SLC1A1: variants seen among roughly 807,000 people sequenced by gnomAD.
SLC1A1 encodes solute carrier family 1 member 1, also known as excitatory amino acid transporter 3.
A neutral mutation model predicts 53.3 loss-of-function variants in SLC1A1; 43 were observed. The ratio of observed to expected loss-of-function variants is 0.81; its 90% CI spans 0.63 to 1.04. The LOEUF is 1.04. Among genes scored for constraint, SLC1A1 ranks in the 50% least tolerant of loss-of-function variants. SLC1A1 has a pLI of 0.00. For synonymous variants in SLC1A1, 307 were observed against 243.2 expected, an observed-to-expected ratio of 1.26 and a Z score of -2.44; for missense variants, 748 against 664.9, an observed-to-expected ratio of 1.12 and a Z score of -1.37.
In SLC1A1 at chr9:4,585,607, A is replaced by G. The variant is rs747569473; in HGVS notation, c.*49A>G. On this transcript the variant is annotated 3_prime_UTR_variant, in exon 12 of 12. Coordinates refer to ENST00000262352, the MANE Select transcript of SLC1A1 (RefSeq NM_004170.6). The stretch of plus-strand genomic sequence containing the variant: ...AAACAAGGAAGGACATTTCCGTGAG[A>G]GTCATCTCAAACACTGCTTAAGGAA... The G allele has an allele frequency of 1.9e-6, 3 of 1,611,528 alleles. No individual in the cohort carries two copies. The African/African-American group carries it at 4.0e-5, about 22-fold the overall frequency.
intron 1 of SLC1A1, among the ~76,000 whole-genome samples, chr9:4,512,951 G>C (rs1419593726): frequency 1.3e-5 from 2 of 151,818 alleles, no homozygotes; most frequent in African/African-American, 2.4e-5. Flanking sequence ...TTTTGACAAA[G>C]GTGCAAAAGC....
rs1820791436 is a variant in SLC1A1 at position 4,505,887 on chromosome 9, C to A, written c.91+15117C>A. Among the ~76,000 whole-genome samples the A allele has an allele frequency of 2.0e-5, 3 of 152,084 alleles. No individual in the cohort carries two copies. The South Asian group carries it at 6.2e-4, about 32-fold the overall frequency. The stretch of plus-strand genomic sequence containing the variant: ...CACCCAGAATGGAGTGCAGTGGCAC[C>A]AACTCAGCTCACTGCAACCTCCGCC... On this transcript the variant is annotated intron_variant, in intron 1 of 11. Transcript: ENST00000262352.
intron 6 of SLC1A1, among the ~76,000 whole-genome samples, chr9:4,569,124 G>A (rs959777072): frequency 6.6e-6 from 1 of 152,086 alleles, no homozygotes; most frequent in Non-Finnish European, 1.5e-5. Flanking sequence ...TCTGCTTACA[G>A]TAGAGCTGGC....
At chr9:4,491,034 C>T (rs1820216621) in intron 1 of SLC1A1, among the ~76,000 whole-genome samples, 1 of 152,190 alleles carries the variant, frequency 6.6e-6, no homozygotes, top group Admixed American at 6.5e-5. Context: ...ATCAAAGGGG[C>T]TTGGGGGTAG....
At chr9:4,497,647 A>G (rs924940295) in intron 1 of SLC1A1, among the ~76,000 whole-genome samples, 7 of 152,210 alleles carry the variant, frequency 4.6e-5, no homozygotes, top group African/African-American at 1.7e-4. Flanking sequence ...TGTCAGCAAC[A>G]TAGATTAACA....
chr9:4,574,161 G>A, intron 8 of SLC1A1, 147 bp downstream of exon 8: 1 of 705,140 alleles, frequency 1.4e-6, no homozygotes, highest in Non-Finnish European at 2.6e-6. Context: ...AGGGGGAGGA[G>A]GGCTGCCCTT....
chr9:4,582,982 G>A, intron 10 of SLC1A1, 56 bp from the exon 11 acceptor site: 1 of 1,611,270 alleles, frequency 6.2e-7, no homozygotes, highest in Non-Finnish European at 8.5e-7. Context: ...TTCAGGCCAG[G>A]GCTTTAACGG....
intron 1 of SLC1A1, among the ~76,000 whole-genome samples, chr9:4,496,357 G>A (rs886546302): frequency 6.6e-6 from 1 of 151,940 alleles, no homozygotes; most frequent in African/African-American, 2.4e-5. Context: ...CAGAGAAAGT[G>A]GAAGTCACGT....
rs1468122324 is a variant in SLC1A1 at position 4,586,129 on chromosome 9, G to T, written c.*571G>T. On this transcript the variant is annotated 3_prime_UTR_variant, in exon 12 of 12. Coordinates refer to ENST00000262352, the MANE Select transcript of SLC1A1 (RefSeq NM_004170.6). ...ATAACAGTTTTAAGATGGGCATAGG[G>T]TTTGGAAGAAAGGGAGAAGGATTCT... The T allele has an allele frequency of 1.2e-5, 2 of 163,406 alleles. No individual in the cohort carries two copies. Among genetic ancestry groups the T allele is most frequent in the African/African-American group, 4.8e-5 (2 of 41,446 alleles). The allele number at this position is 163,406 out of a possible 1,614,324, so 10.1% of individuals were successfully genotyped here.
At chr9:4,505,596 A>G (rs543870814) in intron 1 of SLC1A1, among the ~76,000 whole-genome samples, 1 of 152,196 alleles carries the variant, frequency 6.6e-6, no homozygotes, top group Non-Finnish European at 1.5e-5. Context: ...CAAAAGATTA[A>G]GTTAGTTAGA....
At chr9:4,544,041 G>T (rs1817243019) in intron 1 of SLC1A1, among the ~76,000 whole-genome samples, 2 of 152,048 alleles carry the variant, frequency 1.3e-5, no homozygotes, top group South Asian at 4.2e-4. Flanking sequence ...AGCTGGACAT[G>T]GTGGTGCGCA....
At chr9:4,566,017 A>T in intron 4 of SLC1A1, 30 bp from the exon 5 acceptor site, 3 of 1,593,434 alleles carry the variant, frequency 1.9e-6, no homozygotes, top group Non-Finnish European at 2.6e-6. Flanking sequence ...TTTTGCCCTA[A>T]CATAATACTG....
intron 1 of SLC1A1, among the ~76,000 whole-genome samples, chr9:4,532,813 G>T (rs1816524677): frequency 1.3e-5 from 2 of 152,160 alleles, no homozygotes; most frequent in South Asian, 4.2e-4. Flanking sequence ...CAGCCAGAGA[G>T]AAAGGTCGGG....
At chr9:4,582,959 C>T (rs200192447) in intron 10 of SLC1A1, 79 bp from the exon 11 acceptor site, 259 of 1,570,664 alleles carry the variant, frequency 1.6e-4, no homozygotes, top group Non-Finnish European at 2.1e-4. Flanking sequence ...CGGGACTAAG[C>T]GGGAGTAACC....
intron 1 of SLC1A1, among the ~76,000 whole-genome samples, chr9:4,531,501 A>G (rs1816467495): frequency 6.6e-6 from 1 of 152,134 alleles, no homozygotes; most frequent in African/African-American, 2.4e-5. Context: ...CAGCAGCGAG[A>G]CTGGGGGAGG....
In SLC1A1 at chr9:4,510,749, A is replaced by G. The variant is rs758306876; in HGVS notation, c.91+19979A>G. On this transcript the variant is annotated intron_variant, in intron 1 of 11. Coordinates refer to ENST00000262352, the MANE Select transcript of SLC1A1 (RefSeq NM_004170.6). ...AACAAGACTCCATGGCCTTAGCCTT[A>G]GGCTAACTCAGCCCTGAGTCAGAGC... Among the ~76,000 whole-genome samples, 7 of 152,338 alleles carry G rather than the reference A, an allele frequency of 4.6e-5. No homozygotes were observed. The East Asian group carries it at 1.3e-3, about 29-fold the overall frequency.
At chr9:4,548,217 C>T (rs968686465) in intron 2 of SLC1A1, among the ~76,000 whole-genome samples, 3 of 152,158 alleles carry the variant, frequency 2.0e-5, no homozygotes, top group African/African-American at 7.2e-5. Context: ...TGGTACACAG[C>T]TCCTTCCTCC....
intron 1 of SLC1A1, among the ~76,000 whole-genome samples, chr9:4,504,717 G>C (rs1385258649): frequency 6.6e-6 from 1 of 152,166 alleles, no homozygotes; most frequent in Non-Finnish European, 1.5e-5. Context: ...TTGTGTTATG[G>C]ACAGTGCTCT....
intron 1 of SLC1A1, among the ~76,000 whole-genome samples, chr9:4,503,348 G>A (rs1820697626): frequency 6.6e-6 from 1 of 151,906 alleles, no homozygotes; most frequent in South Asian, 2.1e-4. Flanking sequence ...ATTAGGAACT[G>A]AATTTAAATT....
Sources: gnomAD v4.1 joint callset for allele counts (sites outside exome capture counted in the v4.1 genomes callset) on GRCh38, gnomAD v4.1.1 for gene constraint, MANE v1.5 for transcripts, NCBI Gene and HGNC (gene_info 2026-07-23, HGNC 2026-07-21) for gene names.